DUSP22: variants seen among roughly 807,000 people sequenced by gnomAD.
DUSP22 encodes dual specificity phosphatase 22.
DUSP22 carries 24 observed loss-of-function variants against 24.5 expected under a neutral mutation model. The observed-to-expected ratio is 0.98, with a 90% CI of 0.71 to 1.38. DUSP22 has a LOEUF of 1.38. Among genes scored for constraint, DUSP22 ranks in the 40% most tolerant of loss-of-function variants. The pLI, the probability that DUSP22 is intolerant of heterozygous loss-of-function variation, is 0.00. For synonymous variants in DUSP22, 160 were observed against 106.4 expected, an observed-to-expected ratio of 1.50 and a Z score of -3.10; for missense variants, 330 against 269.2, an observed-to-expected ratio of 1.23 and a Z score of -1.58.
intron 1 of DUSP22, among the ~76,000 whole-genome samples, chr6:304,420 C>T (rs895707410): frequency 6.6e-6 from 1 of 152,308 alleles, no homozygotes; most frequent in Non-Finnish European, 1.5e-5. Flanking sequence ...CGAAGCCGGG[C>T]CCTAAACCCA....
chr6:305,340 C>G (rs921117294), intron 2 of DUSP22, among the ~76,000 whole-genome samples: 8 of 152,304 alleles, frequency 5.3e-5, no homozygotes, highest in Non-Finnish European at 1.0e-4. Flanking sequence ...ACTCTCCACA[C>G]CTGTTGGAAC....
At chr6:295,937 G>A (rs1260958732) in intron 1 of DUSP22, among the ~76,000 whole-genome samples, 4 of 152,286 alleles carry the variant, frequency 2.6e-5, no homozygotes, top group African/African-American at 9.6e-5. Flanking sequence ...TGGAGATTTG[G>A]AGAGGTTAGG....
chr6:329,812 A>G (rs1361768327), intron 3 of DUSP22, among the ~76,000 whole-genome samples: 2 of 152,304 alleles, frequency 1.3e-5, no homozygotes, highest in South Asian at 2.1e-4. Flanking sequence ...GCTGTCTCCA[A>G]TGAGAGAGTC....
chr6:328,638 G>A (rs1386755120), intron 3 of DUSP22, among the ~76,000 whole-genome samples: 5 of 152,304 alleles, frequency 3.3e-5, no homozygotes, highest in Non-Finnish European at 7.3e-5. Flanking sequence ...TTGTAGTACG[G>A]TTTCCTAAAT....
At chr6:305,770 G>C (rs1404427742) in intron 2 of DUSP22, among the ~76,000 whole-genome samples, 2 of 152,300 alleles carry the variant, frequency 1.3e-5, no homozygotes, top group African/African-American at 4.8e-5. Flanking sequence ...GAAGCTTGCA[G>C]GCAGGTCCCC....
intron 3 of DUSP22, among the ~76,000 whole-genome samples, chr6:322,727 G>T (rs150801289): frequency 2.0e-5 from 3 of 152,232 alleles, no homozygotes; most frequent in African/African-American, 7.2e-5. Context: ...GGACAGCACC[G>T]TGTGTGGCTG....
chr6:307,774 G>A (rs1757876981), intron 2 of DUSP22, among the ~76,000 whole-genome samples: 1 of 152,418 alleles, frequency 6.6e-6, no homozygotes, highest in South Asian at 2.1e-4. Flanking sequence ...TACGTGAGTG[G>A]TGTGCATTGA....
Position 299,041 on chromosome 6 carries a change from C to G in DUSP22, c.22-5587C>G, listed in dbSNP as rs572677816. 6.6e-5 allele frequency among the ~76,000 whole-genome samples: 10 copies of G among 152,422 alleles called. No homozygotes were observed. The South Asian group carries it at 2.1e-3, about 32-fold the overall frequency. On this transcript the variant is annotated intron_variant, in intron 1 of 6. Transcript: ENST00000419235. ...GGGAGGCCACTCAGGAACAGTGTCC[C>G]CAGCAAAGGGAAAGAGCAGCAGTTT... is the stretch of plus-strand genomic sequence containing the variant.
At chr6:341,067 GT>G (rs1759583814) in intron 4 of DUSP22, among the ~76,000 whole-genome samples, 1 of 152,306 alleles carries the variant, frequency 6.6e-6, no homozygotes, top group African/African-American at 2.4e-5. Context: ...ACAGCTGCGG[GT>G]GACTGGGCAG....
chr6:334,943 A>G (rs1249986745), intron 3 of DUSP22, among the ~76,000 whole-genome samples, 171 bp from the exon 4 acceptor site: 3 of 152,310 alleles, frequency 2.0e-5, no homozygotes, highest in African/African-American at 7.2e-5. Context: ...ACGGAAAATA[A>G]CCAGGAACTT....
intron 2 of DUSP22, among the ~76,000 whole-genome samples, chr6:307,113 C>T (rs892700539): frequency 3.5e-4 from 54 of 152,400 alleles, no homozygotes; most frequent in African/African-American, 1.0e-3. Context: ...TTTTCCTGGG[C>T]GGTGAATCCA....
intron 3 of DUSP22, among the ~76,000 whole-genome samples, chr6:318,420 G>GGA (rs1428235977): frequency 1.3e-5 from 2 of 152,306 alleles, no homozygotes; most frequent in Non-Finnish European, 2.9e-5. Context: ...GGTTGTAAAG[G>GGA]GAGAGCCTCA....
chr6:327,142 G>A (rs1037189917), intron 3 of DUSP22, among the ~76,000 whole-genome samples: 1 of 152,310 alleles, frequency 6.6e-6, no homozygotes, highest in Non-Finnish European at 1.5e-5. Flanking sequence ...TTGGGCAGCA[G>A]GAGCATTACT....
At chr6:321,782 A>G (rs963845407) in intron 3 of DUSP22, among the ~76,000 whole-genome samples, 15 of 152,310 alleles carry the variant, frequency 9.8e-5, no homozygotes, top group Admixed American at 7.2e-4. Flanking sequence ...TAAACTCATC[A>G]GACGTCTTCA....
intron 1 of DUSP22, among the ~76,000 whole-genome samples, chr6:302,706 G>C (rs548120738): frequency 1.1e-3 from 165 of 152,364 alleles, no homozygotes; most frequent in African/African-American, 3.5e-3. Context: ...TTTTGATCTA[G>C]AAAATCGCCT....
chr6:297,161 G>C (rs900915878), intron 1 of DUSP22, among the ~76,000 whole-genome samples: 3 of 152,302 alleles, frequency 2.0e-5, no homozygotes, highest in African/African-American at 7.2e-5. Context: ...TAAGCTTCAG[G>C]ATTTTTTTCC....
intron 1 of DUSP22, among the ~76,000 whole-genome samples, chr6:301,212 G>T (rs1278628769): frequency 2.0e-5 from 3 of 152,280 alleles, no homozygotes; most frequent in Admixed American, 6.5e-5. Context: ...AAACCAATAA[G>T]ATAAATGGCC....
chr6:310,477 C>T (rs1412890488), intron 2 of DUSP22, among the ~76,000 whole-genome samples: 1 of 152,298 alleles, frequency 6.6e-6, no homozygotes, highest in African/African-American at 2.4e-5. Context: ...TTCTTAGTTT[C>T]ATATGGAGAT....
intron 4 of DUSP22, among the ~76,000 whole-genome samples, chr6:342,822 A>G (rs1291272689): frequency 6.6e-6 from 1 of 152,312 alleles, no homozygotes; most frequent in African/African-American, 2.4e-5. Flanking sequence ...CCATTGCTTC[A>G]ACATGGACAG....
Sources: gnomAD v4.1 joint callset for allele counts (sites outside exome capture counted in the v4.1 genomes callset) on GRCh38, gnomAD v4.1.1 for gene constraint, MANE v1.5 for transcripts, NCBI Gene and HGNC (gene_info 2026-07-23, HGNC 2026-07-21) for gene names.